The following DAAM1 variants were observed in gnomAD, a reference collection of about 807,000 sequenced individuals.
DAAM1 encodes disheveled-associated activator of morphogenesis 1.
A neutral mutation model predicts 130.0 loss-of-function variants in DAAM1; 52 were observed. The observed-to-expected ratio is 0.40, with a 90% confidence interval of 0.32 to 0.50. DAAM1 has a LOEUF of 0.50. Ranked by LOEUF, DAAM1 falls within the 20% of genes least tolerant of loss-of-function variation. The probability of loss-of-function intolerance (pLI) is 0.61; values close to 1 mark genes in which losing one functional copy is unlikely to be tolerated. For synonymous variants in DAAM1, 452 were observed against 444.5 expected (o/e 1.02, Z -0.21); for missense variants, 1,134 against 1,303.8 (o/e 0.87, Z 2.01).
chr14:59,286,854 A>G (rs1883482911), intron 2 of DAAM1, among the ~76,000 whole-genome samples: 1 of 152,194 alleles, frequency 6.6e-6, no homozygotes, highest in South Asian at 2.1e-4. Context: ...ATTCTACCAG[A>G]TATATGAAGA....
chr14:59,309,355 A>G (rs1411025558), intron 3 of DAAM1, among the ~76,000 whole-genome samples: 1 of 152,224 alleles, frequency 6.6e-6, no homozygotes, highest in Non-Finnish European at 1.5e-5. Context: ...TCTCTAGAAA[A>G]AGTTCAGGTT....
At chr14:59,321,732 C>A (rs533073103) in intron 5 of DAAM1, among the ~76,000 whole-genome samples, 1 of 152,160 alleles carries the variant, frequency 6.6e-6, no homozygotes, top group East Asian at 1.9e-4. Flanking sequence ...CTATAAAATG[C>A]AAACTAAGAA....
chr14:59,220,731 G>C (rs1444013423), intron 1 of DAAM1, among the ~76,000 whole-genome samples: 1 of 152,120 alleles, frequency 6.6e-6, no homozygotes, highest in Non-Finnish European at 1.5e-5. Context: ...ACTTACTGCT[G>C]GTGTGAGTAC....
chr14:59,251,711 A>G (rs1334932207), intron 1 of DAAM1, among the ~76,000 whole-genome samples: 1 of 152,116 alleles, frequency 6.6e-6, no homozygotes, highest in Admixed American at 6.6e-5. Context: ...CTACTGCCTT[A>G]TTTCTATACT....
At chr14:59,351,379 AT>A (rs1299299665) in intron 17 of DAAM1, among the ~76,000 whole-genome samples, 6 of 152,068 alleles carry the variant, frequency 3.9e-5, no homozygotes, top group Admixed American at 3.9e-4. Flanking sequence ...CCTACGTGAG[AT>A]TTTTAAGGTA....
intron 1 of DAAM1, among the ~76,000 whole-genome samples, chr14:59,200,575 A>G (rs1225813320): frequency 6.6e-6 from 1 of 152,222 alleles, no homozygotes; most frequent in Non-Finnish European, 1.5e-5. Context: ...AGGGTACAAA[A>G]TGAAAATGTT....
chr14:59,248,996 C>T (rs1881517851), intron 1 of DAAM1, among the ~76,000 whole-genome samples: 1 of 152,184 alleles, frequency 6.6e-6, no homozygotes, highest in African/African-American at 2.4e-5. Context: ...ACCGTGTTAG[C>T]CAGGATGGTC....
intron 15 of DAAM1, among the ~76,000 whole-genome samples, chr14:59,336,969 C>T (rs1160371613): frequency 6.6e-6 from 1 of 152,144 alleles, no homozygotes; most frequent in Non-Finnish European, 1.5e-5. Context: ...AGCCACACAC[C>T]CGGTAAATAA....
chr14:59,192,171 T>TGC (rs1170926838), intron 1 of DAAM1, among the ~76,000 whole-genome samples: 2 of 151,112 alleles, frequency 1.3e-5, no homozygotes, highest in Non-Finnish European at 3.0e-5. Context: ...TGTGTGTGTG[T>TGC]GTGTGTGTGT....
intron 1 of DAAM1, among the ~76,000 whole-genome samples, chr14:59,258,774 G>A (rs1882026225): frequency 6.6e-6 from 1 of 152,172 alleles, no homozygotes; most frequent in Admixed American, 6.5e-5. Context: ...TTAGGGATGG[G>A]TTTAATAAAG....
At chr14:59,220,037 T>C (rs1489955505) in intron 1 of DAAM1, among the ~76,000 whole-genome samples, 1 of 152,172 alleles carries the variant, frequency 6.6e-6, no homozygotes, top group Non-Finnish European at 1.5e-5. Context: ...TTTTCCAGGA[T>C]GGCATCCATT....
chr14:59,278,990 C>T (rs769150677), intron 2 of DAAM1, among the ~76,000 whole-genome samples: 1 of 152,046 alleles, frequency 6.6e-6, no homozygotes, highest in Non-Finnish European at 1.5e-5. Flanking sequence ...ATTTTTTCTA[C>T]TTTGTCTATA....
Position 59,363,683 on chromosome 14 carries a change from G to A in DAAM1, c.2727G>A (p.Gln909=), listed in dbSNP as rs143456339. The change falls in exon 23 of 25, where the codon CAG becomes CAA. Residue 909 remains glutamine (Q), a synonymous_variant. Coordinates refer to ENST00000360909, the MANE Select transcript of DAAM1 (RefSeq NM_001270520.2). ...ELEYQKSQPP[Q]PGDKFVSVVS... ...AATATCAGAAGTCTCAGCCCCCACA[G>A]CCCGGAGATAAGTTTGTGTCTGTTG... The A allele has an allele frequency of 1.7e-5, 28 of 1,614,128 alleles. No individual in the cohort carries two copies. The African/African-American group carries it at 3.5e-4, about 20-fold the overall frequency.
intron 1 of DAAM1, among the ~76,000 whole-genome samples, chr14:59,209,762 A>G (rs1888371950): frequency 6.6e-6 from 1 of 152,166 alleles, no homozygotes; most frequent in African/African-American, 2.4e-5. Context: ...CAATGGCTTT[A>G]TCAAGATGTA....
intron 1 of DAAM1, among the ~76,000 whole-genome samples, chr14:59,226,326 A>G (rs987981432): frequency 6.6e-5 from 10 of 152,204 alleles, no homozygotes; most frequent in African/African-American, 2.4e-4. Context: ...TTTAGTTGAT[A>G]TATCAGAATT....
intron 17 of DAAM1, among the ~76,000 whole-genome samples, chr14:59,351,907 C>A (rs1409904515): frequency 6.6e-6 from 1 of 152,102 alleles, no homozygotes; most frequent in Non-Finnish European, 1.5e-5. Flanking sequence ...TCTTCCACAT[C>A]CCATGCTCAT....
chr14:59,354,948 A>G lies in DAAM1; in HGVS notation c.2357-217A>G, dbSNP rs551371808. 4.6e-5 allele frequency among the ~76,000 whole-genome samples: 7 copies of G among 152,324 alleles called. No homozygotes were observed. In the South Asian group the frequency reaches 1.2e-3, roughly 27 times the overall value. On this transcript the variant is annotated intron_variant, in intron 19 of 24. Transcript: ENST00000360909. ...AAAGGATAGGATTTTGCAGCTGTCT[A>G]TGGGTGTTGGTAACAACTTGAGTTG...
Position 59,331,271 on chromosome 14 carries a change from T to G in DAAM1, c.1623T>G (p.Pro541=). Residue 541 remains proline (P), a synonymous_variant, in exon 14 of 25, where the codon CCT becomes CCG. Coordinates refer to ENST00000360909, the MANE Select transcript of DAAM1 (RefSeq NM_001270520.2). ...PSPGAPGGPF[P]SSVPGSLLPP... ...CTGGAGCACCAGGAGGGCCCTTTCC[T>G]TCCTCTGTGCCTGGATCTCTCCTTC... 1 of 1,612,906 alleles carries G rather than the reference T, an allele frequency of 6.2e-7. No homozygotes were observed. Among genetic ancestry groups the G allele is most frequent in the Non-Finnish European group, 8.5e-7 (1 of 1,179,982 alleles).
At chr14:59,233,478 A>T (rs974121181) in intron 1 of DAAM1, among the ~76,000 whole-genome samples, 1 of 151,902 alleles carries the variant, frequency 6.6e-6, no homozygotes, top group Non-Finnish European at 1.5e-5. Flanking sequence ...CCACTTTTTG[A>T]TGGGGTCGTT....
Sources: allele counts gnomAD v4.1 joint callset (sites outside exome capture counted in the v4.1 genomes callset), GRCh38; gene constraint gnomAD v4.1.1; transcripts MANE v1.5; gene names NCBI Gene and HGNC (gene_info 2026-07-23, HGNC 2026-07-21).